LSM6: variants seen among roughly 807,000 people sequenced by gnomAD.
LSM6 encodes LSM6 homolog, U6 small nuclear RNA and mRNA degradation associated.
A neutral mutation model predicts 13.5 loss-of-function variants in LSM6; 2 were observed. The observed-to-expected ratio is 0.15, with a 90% CI of 0.06 to 0.47. LSM6 has a LOEUF of 0.47. Ranked by LOEUF, LSM6 falls within the 20% of genes least tolerant of loss-of-function variation. LSM6 has a pLI of 0.97. For missense variants in LSM6, 58 were observed against 96.4 expected, an observed-to-expected ratio of 0.60 and a Z score of 1.67; for synonymous variants, 43 against 34.9, an observed-to-expected ratio of 1.23 and a Z score of -0.82.
In LSM6 at chr4:146,190,223, A is replaced by G. The variant is rs1730440388; in HGVS notation, c.*567A>G. 1 of 152,632 alleles carries G rather than the reference A, an allele frequency of 6.6e-6. No individual in the cohort carries two copies. Among genetic ancestry groups the G allele is most frequent in the Admixed American group, 6.5e-5 (1 of 15,296 alleles). 9.5% of individuals were successfully genotyped at this position (152,632 alleles called of 1,614,324 possible). On this transcript the variant is annotated 3_prime_UTR_variant, in exon 4 of 4. Coordinates refer to ENST00000296581, the MANE Select transcript of LSM6 (RefSeq NM_007080.3). ...GGAAAGCCAAGAGTGCCACTTGCAC[A>G]TAAGGAGTGGGAATTCGAACTGAGG...
chr4:146,182,829 G>C (rs554453233), intron 1 of LSM6, 83 bp from the exon 2 acceptor site: 1 of 789,146 alleles, frequency 1.3e-6, no homozygotes, highest in Non-Finnish European at 2.2e-6. Context: ...TTTTCTGTAA[G>C]TATGTTAAGG....
At chr4:146,183,825 A>G (rs1730285532) in intron 2 of LSM6, among the ~76,000 whole-genome samples, 1 of 146,840 alleles carries the variant, frequency 6.8e-6, no homozygotes, top group Admixed American at 6.8e-5. Context: ...GTGGTTTCTG[A>G]GATTTTGGTG....
In LSM6 at chr4:146,182,941, C is replaced by A; in HGVS notation, c.20C>A (p.Thr7Asn). The A allele has an allele frequency of 2.5e-6, 4 of 1,612,458 alleles. No homozygotes were observed. The highest frequency in any genetic ancestry group is 3.4e-6 in the Non-Finnish European group (4 of 1,178,560). The change falls in exon 2 of 4, where the codon ACC (threonine) becomes AAC (asparagine). Residue 7 changes from threonine to asparagine, a missense_variant. By Grantham distance (65) the Thr-to-Asn change is moderately conservative. Transcript: ENST00000296581. ...GTTAAAATGAGTCTTCGGAAGCAAA[C>A]CCCTAGTGACTTCTTAAAGCAAATC... The part of the protein sequence containing the change: MSLRKQ[T>N]PSDFLKQIIG...
chr4:146,177,617 A>G (rs532903482), intron 1 of LSM6, among the ~76,000 whole-genome samples: 2 of 152,012 alleles, frequency 1.3e-5, no homozygotes, highest in Non-Finnish European at 2.9e-5. Flanking sequence ...AAAACCAAAG[A>G]ACAATTTTTT....
rs191271228 is a variant in LSM6 at position 146,186,938 on chromosome 4, A to G, written c.95-336A>G. The stretch of plus-strand genomic sequence containing the variant: ...ATGCATAATTGCCCACCTTGTGCTT[A>G]GCTTTCAAAGAATGGTATTTTTGCC... On this transcript the variant is annotated intron_variant, in intron 2 of 3. Coordinates refer to ENST00000296581, the MANE Select transcript of LSM6 (RefSeq NM_007080.3). Among the ~76,000 whole-genome samples the G allele has an allele frequency of 2.0e-3, 303 of 152,368 alleles. 3 individuals are homozygous for G. The highest frequency in any genetic ancestry group is 0.016 in the Admixed American group (242 of 15,312).
At chr4:146,181,226 A>G (rs1471187372) in intron 1 of LSM6, 3 of 152,200 alleles carry the variant, frequency 2.0e-5, no homozygotes, top group Admixed American at 6.5e-5. Flanking sequence ...TGATAGCCCA[A>G]AATTCAAAGA....
At chr4:146,181,872 TG>T (rs1560711408) in intron 1 of LSM6, among the ~76,000 whole-genome samples, 1 of 152,202 alleles carries the variant, frequency 6.6e-6, no homozygotes, top group African/African-American at 2.4e-5. Flanking sequence ...TAAGAAAAGA[TG>T]CGTTTTGAAA....
intron 1 of LSM6, among the ~76,000 whole-genome samples, chr4:146,182,207 G>A (rs193232507): frequency 1.3e-5 from 2 of 152,176 alleles, no homozygotes; most frequent in Admixed American, 1.3e-4. Context: ...TCCCTTTTAG[G>A]GTAGAGCAAT....
chr4:146,179,942 A>C (rs773675034), intron 1 of LSM6, among the ~76,000 whole-genome samples: 3 of 152,222 alleles, frequency 2.0e-5, no homozygotes, highest in African/African-American at 4.8e-5. Context: ...TAATGATTCA[A>C]GTTTGGGAAA....
intron 3 of LSM6, among the ~76,000 whole-genome samples, chr4:146,188,288 A>G (rs1410986891): frequency 6.6e-6 from 1 of 152,074 alleles, no homozygotes; most frequent in Non-Finnish European, 1.5e-5. Flanking sequence ...TTCCTAAGAA[A>G]TGTTATGATC....
rs1459434469 is a variant in LSM6, at chr4:146,191,387, TAA to T, written c.*1732_*1733del. 3 of 152,226 alleles carry T rather than the reference TAA, an allele frequency of 2.0e-5. No homozygotes were observed. The highest frequency in any genetic ancestry group is 4.4e-5 in the Non-Finnish European group (3 of 68,038). 9.4% of individuals were successfully genotyped at this position (152,226 alleles called of 1,614,324 possible). A position where few individuals can be genotyped will look rare whatever the true frequency, so the allele number is the denominator to read the frequency against. On this transcript the variant is annotated 3_prime_UTR_variant, in exon 4 of 4. Coordinates refer to ENST00000296581, the MANE Select transcript of LSM6 (RefSeq NM_007080.3). ...CTTCCCTGACCTCGCCTTTGATATA[TAA>T]GTCTTTATTTTCCCCTTGCCATCTC...
chr4:146,189,428 TG>T (rs1239396068), intron 3 of LSM6, among the ~76,000 whole-genome samples, 193 bp from the exon 4 acceptor site: 1 of 152,230 alleles, frequency 6.6e-6, no homozygotes, highest in Non-Finnish European at 1.5e-5. Flanking sequence ...AGGACAGTTT[TG>T]TAAGACATCA....
intron 1 of LSM6, among the ~76,000 whole-genome samples, chr4:146,182,026 A>T (rs189767545): frequency 3.9e-5 from 6 of 152,240 alleles, no homozygotes; most frequent in African/African-American, 1.2e-4. Context: ...TATAGTCCTA[A>T]TAGAGTAATT....
At chr4:146,183,105 AGGCC>A in intron 2 of LSM6, 90 bp downstream of exon 2, 9 of 861,466 alleles carry the variant, frequency 1.0e-5, no homozygotes, top group Admixed American at 9.8e-5. Context: ...TATACCCAAT[AGGCC>A]AAAAAAGTAC....
intron 1 of LSM6, among the ~76,000 whole-genome samples, chr4:146,178,062 A>G (rs777307487): frequency 1.3e-5 from 2 of 152,186 alleles, no homozygotes; most frequent in Non-Finnish European, 2.9e-5. Flanking sequence ...GGTGCTCATA[A>G]TAGAGATTAC....
At chr4:146,184,887 C>T (rs142056973) in intron 2 of LSM6, among the ~76,000 whole-genome samples, 1 of 152,202 alleles carries the variant, frequency 6.6e-6, no homozygotes, top group East Asian at 1.9e-4. Context: ...CAATTTTGAC[C>T]TCTATATTAG....
rs770063436 is a variant in LSM6 at position 146,183,035 on chromosome 4, A to G, written c.94+20A>G. Reference sequence around the variant, plus strand: ...ATCGAGGTAATATTTTCATGTTTCAACCTCACTGGTATAACTGAATAAGTA... The same window carrying G: ...ATCGAGGTAATATTTTCATGTTTCAGCCTCACTGGTATAACTGAATAAGTA... On this transcript the variant is annotated intron_variant, in intron 2 of 3. Coordinates refer to ENST00000296581, the MANE Select transcript of LSM6 (RefSeq NM_007080.3). The G allele has an allele frequency of 2.8e-5, 42 of 1,491,758 alleles. No individual in the cohort carries two copies. The highest frequency in any genetic ancestry group is 3.6e-5 in the Non-Finnish European group (38 of 1,068,550). 92.4% of individuals were successfully genotyped at this position (1,491,758 alleles called of 1,614,324 possible). A position where few individuals can be genotyped will look rare whatever the true frequency, so the allele number is the denominator to read the frequency against.
intron 1 of LSM6, chr4:146,180,887 G>C (rs1458348318): frequency 2.0e-5 from 3 of 152,198 alleles, no homozygotes; most frequent in Admixed American, 2.0e-4. Context: ...AAATAAGGCG[G>C]TTTATAGATG....
At chr4:146,183,985 A>G (rs1242934200) in intron 2 of LSM6, among the ~76,000 whole-genome samples, 1 of 151,504 alleles carries the variant, frequency 6.6e-6, no homozygotes, top group African/African-American at 2.4e-5. Context: ...ATTTTCAAAA[A>G]CAGAAGTTTA....
Sources: allele counts gnomAD v4.1 joint callset (sites outside exome capture counted in the v4.1 genomes callset), GRCh38; gene constraint gnomAD v4.1.1; transcripts MANE v1.5; gene names NCBI Gene and HGNC (gene_info 2026-07-23, HGNC 2026-07-21).